Variants in PLA2G4A observed in about 807,000 individuals in gnomAD.
PLA2G4A encodes phospholipase A2 group IVA, also known as cytosolic phospholipase A2.
Under a neutral mutation model 81.9 loss-of-function variants are expected in PLA2G4A, and 40 were observed. The observed-to-expected ratio is 0.49, with a 90% CI of 0.38 to 0.64. PLA2G4A has a LOEUF of 0.64. Among genes scored for constraint, PLA2G4A ranks in the 30% least tolerant of loss-of-function variants. The probability of loss-of-function intolerance (pLI) is 0.00; values close to 1 mark genes in which losing one functional copy is unlikely to be tolerated. For synonymous variants in PLA2G4A, 302 were observed against 296.9 expected (o/e 1.02, Z -0.18); for missense variants, 715 against 905.1 (o/e 0.79, Z 2.69).
At chr1:186,882,340 G>A (rs116884203) in intron 3 of PLA2G4A, among the ~76,000 whole-genome samples, 8 of 152,244 alleles carry the variant, frequency 5.3e-5, no homozygotes, top group East Asian at 3.9e-4. Context: ...TAACTGTACC[G>A]TCTTTGGACT....
intron 9 of PLA2G4A, 43 bp from the exon 10 acceptor site, chr1:186,939,937 G>A (rs1037056313): frequency 1.1e-5 from 10 of 887,848 alleles, no homozygotes; most frequent in Non-Finnish European, 1.3e-5. Context: ...TTCTGTGTCT[G>A]TTTATAAATT....
chr1:186,912,601 C>T (rs1013718593), intron 7 of PLA2G4A, among the ~76,000 whole-genome samples: 1 of 151,090 alleles, frequency 6.6e-6, no homozygotes, highest in Admixed American at 6.6e-5. Flanking sequence ...CTTAGTAATA[C>T]GAATATAAGT....
chr1:186,979,455 A>G lies in PLA2G4A; in HGVS notation c.2101A>G (p.Thr701Ala). 6.3e-7 allele frequency: 1 copy of G among 1,597,058 alleles called. No homozygotes were observed. The highest frequency in any genetic ancestry group is 8.6e-7 in the Non-Finnish European group (1 of 1,164,532). Residue 701 changes from threonine (T) to alanine (A), a missense_variant, in exon 17 of 18, where the codon ACT (threonine) becomes GCT (alanine). Physicochemically the swap from Thr to Ala is moderately conservative, Grantham distance 58. Transcript: ENST00000367466. The stretch of plus-strand genomic sequence containing the variant: ...ACTACATGATCTTATGCACTTCAAT[A>G]CTCTGAACAACATTGATGTAAGTAT... ...KRLHDLMHFNTLNNIDVIKEA... is the reference protein window; with the variant it reads ...KRLHDLMHFNALNNIDVIKEA...
chr1:186,839,928 A>G (rs1360798255), intron 1 of PLA2G4A, among the ~76,000 whole-genome samples: 1 of 147,790 alleles, frequency 6.8e-6, no homozygotes, highest in East Asian at 2.0e-4. Context: ...GGGTCTGCAG[A>G]CTGTCATGGC....
Position 186,985,501 on chromosome 1 carries a change from CT to C in PLA2G4A, c.2119-2875del, listed in dbSNP as rs543371429. On this transcript the variant is annotated intron_variant, in intron 17 of 17. Transcript: ENST00000367466. Reference sequence around the variant, plus strand: ...TCTCCTATATTTGTAATTTTTACTTCTCTAACAAAATATACTTAACTTTCTC... The same window carrying C: ...TCTCCTATATTTGTAATTTTTACTTCCTAACAAAATATACTTAACTTTCTC... Among the ~76,000 whole-genome samples the C allele has an allele frequency of 4.6e-3, 697 of 152,164 alleles. 2 individuals carry two copies. The highest frequency in any genetic ancestry group is 5.9e-3 in the Non-Finnish European group (402 of 68,012).
At chr1:186,857,443 AATATAAT>A (rs1399694011) in intron 2 of PLA2G4A, among the ~76,000 whole-genome samples, 1 of 131,734 alleles carries the variant, frequency 7.6e-6, no homozygotes. Flanking sequence ...ATAAATATAT[AATATAAT>A]ATATAATATA....
In PLA2G4A at chr1:186,988,454, T is replaced by A; in HGVS notation, c.2196T>A (p.Asn732Lys). Reference sequence around the variant, plus strand: ...CTCGTTGCTCTGTTTCCCTTAGTAATGTTGAGGCAAGAAGATTTTTCAACA... The same window carrying A: ...CTCGTTGCTCTGTTTCCCTTAGTAAAGTTGAGGCAAGAAGATTTTTCAACA... ...NPSRCSVSLS[N>K]VEARRFFNKE... The change falls in exon 18 of 18, where the codon AAT (asparagine) becomes AAA (lysine). Residue 732 changes from asparagine to lysine, a missense_variant. By Grantham distance (94) the Asn-to-Lys change is moderately conservative (BLOSUM62 0). Coordinates refer to ENST00000367466, the MANE Select transcript of PLA2G4A (RefSeq NM_024420.3). 6.2e-7 allele frequency: 1 copy of A among 1,612,250 alleles called. No homozygotes were observed. The highest frequency in any genetic ancestry group is 8.5e-7 in the Non-Finnish European group (1 of 1,178,438).
intron 1 of PLA2G4A, among the ~76,000 whole-genome samples, chr1:186,829,370 C>T (rs889014348): frequency 2.0e-5 from 3 of 152,162 alleles, no homozygotes; most frequent in Admixed American, 6.5e-5. Context: ...TGATGACACC[C>T]AATGGTTACT....
intron 1 of PLA2G4A, among the ~76,000 whole-genome samples, chr1:186,830,953 GCTTGCTTTCTTTCTTT>G (rs1413515538): frequency 9.4e-3 from 443 of 47,246 alleles, no homozygotes; most frequent in African/African-American, 0.019. Flanking sequence ...TTGCTTGCTT[GCTTGCTTTCTTTCTTT>G]CTTTCTTTCT....
chr1:186,974,047 T>A (rs1443555360), intron 15 of PLA2G4A, among the ~76,000 whole-genome samples: 1 of 151,428 alleles, frequency 6.6e-6, no homozygotes, highest in East Asian at 1.9e-4. Flanking sequence ...TATTATTTTA[T>A]GTATATATGT....
intron 5 of PLA2G4A, among the ~76,000 whole-genome samples, chr1:186,896,153 A>G (rs1415472128): frequency 6.6e-6 from 1 of 152,188 alleles, no homozygotes; most frequent in Non-Finnish European, 1.5e-5. Flanking sequence ...TAAAGTAATT[A>G]AAATAAGTGA....
chr1:186,941,370 G>C (rs1656148702), intron 10 of PLA2G4A, among the ~76,000 whole-genome samples: 2 of 152,202 alleles, frequency 1.3e-5, no homozygotes, highest in Non-Finnish European at 2.9e-5. Flanking sequence ...ATTTTGAATA[G>C]TTTACAAAAA....
intron 3 of PLA2G4A, among the ~76,000 whole-genome samples, chr1:186,879,874 T>A (rs959598002): frequency 2.0e-5 from 3 of 151,612 alleles, no homozygotes; most frequent in African/African-American, 7.3e-5. Context: ...AGTTCTAGGG[T>A]ACTTGTGCAC....
At chr1:186,956,491 C>T (rs532160432) in intron 14 of PLA2G4A, 147 bp downstream of exon 14, 1 of 832,520 alleles carries the variant, frequency 1.2e-6, no homozygotes, top group African/African-American at 1.7e-5. Context: ...CTTCAAATGA[C>T]TAGGGTTTTT....
Position 186,897,646 on chromosome 1 carries a change from T to C in PLA2G4A, c.378+3435T>C, listed in dbSNP as rs559367585. Among the ~76,000 whole-genome samples the C allele has an allele frequency of 2.6e-5, 4 of 152,238 alleles. No homozygotes were observed. The South Asian group carries it at 8.3e-4, about 32-fold the overall frequency. On this transcript the variant is annotated intron_variant, in intron 5 of 17. Transcript: ENST00000367466. Reference sequence around the variant, plus strand: ...GTCTCAGCCTCCCAAGTAGCTGAGATTACAGGCACGTGCCATCATGCCTGG... The same window carrying C: ...GTCTCAGCCTCCCAAGTAGCTGAGACTACAGGCACGTGCCATCATGCCTGG...
intron 7 of PLA2G4A, among the ~76,000 whole-genome samples, chr1:186,925,882 C>G (rs1056690010): frequency 2.0e-5 from 3 of 152,174 alleles, no homozygotes; most frequent in African/African-American, 7.2e-5. Flanking sequence ...CTGTGTTATT[C>G]ATCTCTATAT....
At chr1:186,898,265 A>T (rs1654411899) in intron 5 of PLA2G4A, among the ~76,000 whole-genome samples, 1 of 152,174 alleles carries the variant, frequency 6.6e-6, no homozygotes, top group Non-Finnish European at 1.5e-5. Flanking sequence ...GCTAAATATT[A>T]AAAAAACTGC....
At chr1:186,916,739 T>C (rs754694655) in intron 7 of PLA2G4A, among the ~76,000 whole-genome samples, 1 of 152,150 alleles carries the variant, frequency 6.6e-6, no homozygotes, top group Admixed American at 6.5e-5. Flanking sequence ...TATAAACATG[T>C]TCCTTTTAAA....
chr1:186,928,101 G>A (rs1479311497), intron 7 of PLA2G4A, among the ~76,000 whole-genome samples: 1 of 152,082 alleles, frequency 6.6e-6, no homozygotes, highest in Non-Finnish European at 1.5e-5. Context: ...TGAGGAAGTG[G>A]TGGGATATAA....
Sources: gnomAD v4.1 joint callset for allele counts (sites outside exome capture counted in the v4.1 genomes callset) on GRCh38, gnomAD v4.1.1 for gene constraint, MANE v1.5 for transcripts, NCBI Gene and HGNC (gene_info 2026-07-23, HGNC 2026-07-21) for gene names.